The following STXBP4 variants were observed in gnomAD, a reference collection of about 807,000 sequenced individuals.
The protein encoded by STXBP4 is syntaxin-binding protein 4.
In STXBP4, 55 loss-of-function variants were observed where a neutral mutation model predicts 76.1. The ratio of observed to expected loss-of-function variants is 0.72; its 90% CI spans 0.58 to 0.91. STXBP4 has a LOEUF of 0.91. Ranked by LOEUF, STXBP4 falls within the 40% of genes least tolerant of loss-of-function variation. The probability of loss-of-function intolerance (pLI) is 0.00; values close to 1 mark genes in which losing one functional copy is unlikely to be tolerated. For missense variants in STXBP4, 618 were observed against 636.9 expected (o/e 0.97, Z 0.32); for synonymous variants, 201 against 220.2 (o/e 0.91, Z 0.77).
rs1001550762 is a variant in STXBP4, at chr17:55,072,973, A to G, written c.1085A>G (p.Gln362Arg). Residue 362 changes from glutamine (Q) to arginine (R), a missense_variant, in exon 13 of 18, where the codon CAG becomes CGG. Physicochemically the swap from Gln to Arg is conservative, Grantham distance 43 (BLOSUM62 1). Coordinates refer to ENST00000376352, the MANE Select transcript of STXBP4 (RefSeq NM_178509.6). ...CATCTTGCTGAAGCTGCTCAGAGAC[A>G]GGCACATGGAATGGAAATGGACTAT... is the stretch of plus-strand genomic sequence containing the variant. ...RIHLAEAAQR[Q>R]AHGMEMDYEE... 6.2e-7 allele frequency: 1 copy of G among 1,613,922 alleles called. No individual in the cohort carries two copies. Among genetic ancestry groups the G allele is most frequent in the African/African-American group, 1.3e-5 (1 of 74,930 alleles).
Position 55,167,199 on chromosome 17 carries a change from C to T in STXBP4, c.*7288C>T, listed in dbSNP as rs1371893033. The T allele has an allele frequency of 6.6e-6, 1 of 152,196 alleles. No homozygotes were observed. Among genetic ancestry groups the T allele is most frequent in the East Asian group, 1.9e-4 (1 of 5,202 alleles). 9.4% of individuals were successfully genotyped at this position (152,196 alleles called of 1,614,324 possible). On this transcript the variant is annotated 3_prime_UTR_variant, in exon 18 of 18. Transcript: ENST00000376352. ...AATTAATTTGGATAGGAAAGTAGGG[C>T]ATGTGTCATCTCTCCTAGTAGACTG...
At chr17:55,000,045 G>A (rs574996705) in intron 6 of STXBP4, among the ~76,000 whole-genome samples, 2 of 152,196 alleles carry the variant, frequency 1.3e-5, no homozygotes, top group South Asian at 4.2e-4. Flanking sequence ...GTGTCCAGGA[G>A]CATGATTGGT....
At chr17:55,184,071 A>G in the STXBP4 span, among the ~76,000 whole-genome samples, 3 of 152,256 alleles carry the variant, frequency 2.0e-5, no homozygotes, top group African/African-American at 2.4e-5. Flanking sequence ...AAACTTGACC[A>G]TATTCTGGGT....
intron 17 of STXBP4, among the ~76,000 whole-genome samples, chr17:55,148,626 C>T (rs1302564687): frequency 6.6e-6 from 1 of 152,020 alleles, no homozygotes; most frequent in Non-Finnish European, 1.5e-5. Context: ...GCAACCTCCA[C>T]CTCCCAGGTT....
intron 12 of STXBP4, among the ~76,000 whole-genome samples, chr17:55,053,432 G>A (rs73323256): frequency 1.8e-4 from 28 of 152,076 alleles, no homozygotes; most frequent in South Asian, 8.3e-4. Context: ...ATATGTGAGC[G>A]AGATTGAGAA....
In STXBP4 at chr17:55,173,112, G is replaced by A. The variant is rs1358989551; in HGVS notation, c.*13201G>A. 2.0e-5 allele frequency: 3 copies of A among 152,196 alleles called. No homozygotes were observed. The highest frequency in any genetic ancestry group is 1.3e-4 in the Admixed American group (2 of 15,282). 9.4% of individuals were successfully genotyped at this position (152,196 alleles called of 1,614,324 possible). A position where few individuals can be genotyped will look rare whatever the true frequency, so the allele number is the denominator to read the frequency against. On this transcript the variant is annotated 3_prime_UTR_variant, in exon 18 of 18. Transcript: ENST00000376352. Reference sequence around the variant, plus strand: ...GGATTGGAAATTCCCAGAAAGCTGTGTCAGCAATGAGATTTGTTTCATTGT... The same window carrying A: ...GGATTGGAAATTCCCAGAAAGCTGTATCAGCAATGAGATTTGTTTCATTGT...
chr17:55,151,768 G>A (rs538255081), intron 17 of STXBP4, among the ~76,000 whole-genome samples: 2 of 152,282 alleles, frequency 1.3e-5, no homozygotes, highest in South Asian at 4.1e-4. Context: ...AACAAGATTT[G>A]CTTAGCTAAA....
At chr17:55,072,303 C>T (rs1390027544) in intron 12 of STXBP4, among the ~76,000 whole-genome samples, 1 of 152,174 alleles carries the variant, frequency 6.6e-6, no homozygotes, top group Non-Finnish European at 1.5e-5. Context: ...ACACGTGATG[C>T]ACCTGAGACA....
Position 55,159,851 on chromosome 17 carries a change from A to G in STXBP4, c.1602A>G (p.Leu534=), listed in dbSNP as rs749207937. Reference sequence around the variant, plus strand: ...ATCCCGTGATGAGTGTCCTGAATCTATCTCGCTCAGAGGAGAATGAAGAGG... The same window carrying G: ...ATCCCGTGATGAGTGTCCTGAATCTGTCTCGCTCAGAGGAGAATGAAGAGG... ...WIHPVMSVLN[L]SRSEENEEDC... The change falls in exon 18 of 18, where the codon CTA becomes CTG. Residue 534 remains leucine (L), a synonymous_variant. Coordinates refer to ENST00000376352, the MANE Select transcript of STXBP4 (RefSeq NM_178509.6). 4.3e-6 allele frequency: 7 copies of G among 1,614,030 alleles called. No individual in the cohort carries two copies. The highest frequency in any genetic ancestry group is 4.2e-6 in the Non-Finnish European group (5 of 1,179,934).
intron 16 of STXBP4, among the ~76,000 whole-genome samples, chr17:55,136,629 T>C (rs990197787): frequency 1.3e-5 from 2 of 152,134 alleles, no homozygotes; most frequent in African/African-American, 4.8e-5. Context: ...GAAATAGGCA[T>C]AGTATAGTAT....
the STXBP4 span, among the ~76,000 whole-genome samples, chr17:55,196,528 C>G: frequency 2.0e-4 from 31 of 152,326 alleles, no homozygotes; most frequent in Middle Eastern, 0.024. Flanking sequence ...TATTCCCTTA[C>G]TCACCATAGA....
intron 10 of STXBP4, among the ~76,000 whole-genome samples, chr17:55,035,904 T>C (rs2078593311): frequency 6.6e-6 from 1 of 152,004 alleles, no homozygotes; most frequent in South Asian, 2.1e-4. Context: ...ATAATAATTT[T>C]ATATATTTAT....
chr17:54,986,224 A>AT lies in STXBP4; in HGVS notation c.6dup (p.Lys3Ter). ...CAAGGCTACTTTGGTGAAAGCATGA[A>AT]TAAAAATACATCTACTGTAGTATCA... On this transcript the variant is annotated frameshift_variant, in exon 3 of 18. Transcript: ENST00000376352. LOFTEE classifies it high-confidence loss of function. 1 of 1,602,080 alleles carries AT rather than the reference A, an allele frequency of 6.2e-7. No individual in the cohort carries two copies. The highest frequency in any genetic ancestry group is 8.5e-7 in the Non-Finnish European group (1 of 1,174,848).
At chr17:55,024,607 G>A (rs529053501) in intron 8 of STXBP4, among the ~76,000 whole-genome samples, 5 of 152,164 alleles carry the variant, frequency 3.3e-5, no homozygotes, top group African/African-American at 1.2e-4. Context: ...TAAGACTTTG[G>A]GGTTAGAGAA....
intron 17 of STXBP4, among the ~76,000 whole-genome samples, chr17:55,156,604 G>A (rs2080280263): frequency 6.6e-6 from 1 of 152,146 alleles, no homozygotes; most frequent in African/African-American, 2.4e-5. Context: ...CATTGGTTCT[G>A]GACGTTTTAA....
chr17:55,080,996 G>T, intron 15 of STXBP4, 54 bp from the exon 16 acceptor site: 1 of 1,332,442 alleles, frequency 7.5e-7, no homozygotes, highest in Non-Finnish European at 9.7e-7. Context: ...ATTTAGTAAA[G>T]ATAGATGTTG....
chr17:54,969,518 C>T (rs1477735988), intron 1 of STXBP4, among the ~76,000 whole-genome samples: 12 of 152,196 alleles, frequency 7.9e-5, no homozygotes, highest in Non-Finnish European at 2.9e-5. Context: ...GTTACTTGTC[C>T]TCTAAGACCT....
chr17:55,030,847 T>C (rs1275934159), intron 8 of STXBP4: 1 of 207,542 alleles, frequency 4.8e-6, no homozygotes, highest in Non-Finnish European at 9.8e-6. Flanking sequence ...GTAAATCTGA[T>C]GTAGTAGGAT....
At chr17:55,205,287 T>C in the STXBP4 span, among the ~76,000 whole-genome samples, 1 of 151,894 alleles carries the variant, frequency 6.6e-6, no homozygotes, top group South Asian at 2.1e-4. Flanking sequence ...TTTATTATAG[T>C]ACTTTTTAAA....
Sources: allele counts gnomAD v4.1 joint callset (sites outside exome capture counted in the v4.1 genomes callset), GRCh38; gene constraint gnomAD v4.1.1; transcripts MANE v1.5; gene names NCBI Gene and HGNC (gene_info 2026-07-23, HGNC 2026-07-21).